The following SHISA9 variants were observed in gnomAD, a reference collection of about 807,000 sequenced individuals.
SHISA9 encodes protein shisa-9.
A neutral mutation model predicts 38.0 loss-of-function variants in SHISA9; 13 were observed. The observed-to-expected ratio is 0.34, with a 90% confidence interval of 0.22 to 0.54. SHISA9 has a LOEUF of 0.54. Ranked by LOEUF, SHISA9 falls within the 20% of genes least tolerant of loss-of-function variation. The pLI is 0.91. For missense variants in SHISA9, 538 were observed against 575.8 expected (o/e 0.93, Z 0.67); for synonymous variants, 275 against 242.0 (o/e 1.14, Z -1.27).
the SHISA9 span, among the ~76,000 whole-genome samples, chr16:13,380,497 A>T: frequency 6.6e-6 from 1 of 152,194 alleles, no homozygotes; most frequent in East Asian, 1.9e-4. Context: ...ACTACTAATA[A>T]TTTCCAGATT....
At chr16:13,151,010 C>T (rs978914543) in intron 2 of SHISA9, among the ~76,000 whole-genome samples, 5 of 152,088 alleles carry the variant, frequency 3.3e-5, no homozygotes, top group Admixed American at 1.3e-4. Flanking sequence ...CAATTATTAC[C>T]GACTTCACTT....
the SHISA9 span, among the ~76,000 whole-genome samples, chr16:13,532,806 C>G: frequency 2.6e-5 from 4 of 152,166 alleles, no homozygotes; most frequent in African/African-American, 9.7e-5. Context: ...GACACTCACT[C>G]TTTCATTCCC....
chr16:13,503,929 AC>A, the SHISA9 span, among the ~76,000 whole-genome samples: 1 of 152,224 alleles, frequency 6.6e-6, no homozygotes, highest in Non-Finnish European at 1.5e-5. Flanking sequence ...GTTAGAATAA[AC>A]CTTGAAATCC....
intron 2 of SHISA9, among the ~76,000 whole-genome samples, chr16:13,194,280 A>G (rs1007497851): frequency 6.6e-6 from 1 of 152,212 alleles, no homozygotes; most frequent in African/African-American, 2.4e-5. Flanking sequence ...GTGACTTCAC[A>G]TTGTATTACT....
the SHISA9 span, among the ~76,000 whole-genome samples, chr16:13,381,777 T>C: frequency 6.6e-6 from 1 of 152,234 alleles, no homozygotes; most frequent in Non-Finnish European, 1.5e-5. Context: ...AAAATTTTTA[T>C]TGTGCCTGGA....
intron 2 of SHISA9, among the ~76,000 whole-genome samples, chr16:13,026,811 T>G: frequency 6.6e-6 from 1 of 152,228 alleles, no homozygotes; most frequent in Admixed American, 6.5e-5. Context: ...CTTGACATGA[T>G]GGAAGACTAA....
At chr16:13,441,708 A>G in the SHISA9 span, among the ~76,000 whole-genome samples, 11 of 152,074 alleles carry the variant, frequency 7.2e-5, no homozygotes, top group African/African-American at 2.7e-4. Flanking sequence ...AATGAACCCT[A>G]TGTCTCATTC....
At chr16:13,014,213 T>C (rs1343109506) in intron 2 of SHISA9, among the ~76,000 whole-genome samples, 1 of 151,808 alleles carries the variant, frequency 6.6e-6, no homozygotes, top group Non-Finnish European at 1.5e-5. Context: ...GGTGTCAGAG[T>C]TGAGATTAAA....
At chr16:13,355,266 A>G in the SHISA9 span, among the ~76,000 whole-genome samples, 3 of 151,612 alleles carry the variant, frequency 2.0e-5, no homozygotes, top group Admixed American at 1.3e-4. Context: ...GCAGGCAAGT[A>G]ATAACAGGCT....
intron 2 of SHISA9, among the ~76,000 whole-genome samples, chr16:13,162,738 G>T (rs2050606051): frequency 6.6e-6 from 1 of 152,012 alleles, no homozygotes; most frequent in South Asian, 2.1e-4. Context: ...AAGTGGGAAT[G>T]AATCTTAGCA....
rs149600888 is a variant in SHISA9 at position 13,020,951 on chromosome 16, G to A, written c.691+104136G>A. Among the ~76,000 whole-genome samples, 295 of 152,276 alleles carry A rather than the reference G, an allele frequency of 1.9e-3. 4 individuals carry two copies. The highest frequency in any genetic ancestry group is 8.7e-3 in the South Asian group (42 of 4,820). On this transcript the variant is annotated intron_variant, in intron 2 of 4. Coordinates refer to ENST00000558583, the MANE Select transcript of SHISA9 (RefSeq NM_001145204.3). ...GACCACATAATATCTCCCCAGTCCCGGGATTCTCTGGTGATTGGTGCTGGG... is the reference window on the plus strand; with the variant it reads ...GACCACATAATATCTCCCCAGTCCCAGGATTCTCTGGTGATTGGTGCTGGG...
At chr16:13,148,966 C>T (rs535156237) in intron 2 of SHISA9, among the ~76,000 whole-genome samples, 111 of 152,306 alleles carry the variant, frequency 7.3e-4, no homozygotes, top group African/African-American at 2.6e-3. Flanking sequence ...GCTCTGATGT[C>T]TGACGTCAGT....
At chr16:13,192,874 C>CA (rs371336207) in intron 2 of SHISA9, among the ~76,000 whole-genome samples, 14 of 140,326 alleles carry the variant, frequency 1.0e-4, no homozygotes, top group South Asian at 9.1e-4. Context: ...GACTCCATCT[C>CA]AAAAAAAAGA....
chr16:12,984,562 T>C (rs747403855), intron 2 of SHISA9, among the ~76,000 whole-genome samples: 4 of 152,164 alleles, frequency 2.6e-5, no homozygotes, highest in Non-Finnish European at 5.9e-5. Context: ...TTGTAAGTGG[T>C]TCTTGAGGTG....
chr16:13,132,008 A>T (rs1046373387), intron 2 of SHISA9, among the ~76,000 whole-genome samples: 5 of 152,192 alleles, frequency 3.3e-5, no homozygotes, highest in Non-Finnish European at 7.3e-5. Flanking sequence ...AAAAACCTAT[A>T]CAAGTGCAAA....
chr16:13,143,064 T>C (rs1159147340), intron 2 of SHISA9, among the ~76,000 whole-genome samples: 1 of 151,640 alleles, frequency 6.6e-6, no homozygotes, highest in Non-Finnish European at 1.5e-5. Flanking sequence ...TGGAGTGCAG[T>C]GGTGTGATCT....
intron 1 of SHISA9, chr16:12,909,555 C>T (rs189141035): frequency 2.0e-6 from 2 of 985,234 alleles, no homozygotes; most frequent in Non-Finnish European, 2.4e-6. Context: ...TCTTCTTGTT[C>T]TTTGGATAAG....
chr16:13,439,878 A>C, the SHISA9 span, among the ~76,000 whole-genome samples: 1 of 152,108 alleles, frequency 6.6e-6, no homozygotes, highest in Non-Finnish European at 1.5e-5. Context: ...CTGGGAGTCA[A>C]CTCTGCTTCT....
chr16:13,294,737 C>G, the SHISA9 span, among the ~76,000 whole-genome samples: 2 of 152,160 alleles, frequency 1.3e-5, no homozygotes, highest in Non-Finnish European at 2.9e-5. Context: ...GCAGGGGTCT[C>G]AAACTCAAAT....
Sources: allele counts gnomAD v4.1 joint callset (sites outside exome capture counted in the v4.1 genomes callset), GRCh38; gene constraint gnomAD v4.1.1; transcripts MANE v1.5; gene names NCBI Gene and HGNC (gene_info 2026-07-23, HGNC 2026-07-21).